MAGED2: variants seen among roughly 807,000 people sequenced by gnomAD.
MAGED2 encodes the protein MAGE family member D2.
MAGED2 carries 6 observed loss-of-function variants against 41.7 expected under a neutral mutation model. The ratio of observed to expected loss-of-function variants is 0.14; its 90% confidence interval spans 0.08 to 0.28. The LOEUF (loss-of-function observed/expected upper bound fraction) is 0.28. Ranked by LOEUF, MAGED2 falls within the 10% of genes least tolerant of loss-of-function variation. The probability of loss-of-function intolerance (pLI) is 1.00; values close to 1 mark genes in which losing one functional copy is unlikely to be tolerated. For synonymous variants in MAGED2, 146 were observed against 178.2 expected (o/e 0.82, Z 1.44); for missense variants, 343 against 486.4 (o/e 0.71, Z 2.77).
chrX:54,808,758 A>G lies in MAGED2; in HGVS notation c.-29-545A>G, dbSNP rs187629974. On this transcript the variant is annotated intron_variant, in intron 1 of 12. Coordinates refer to ENST00000375068, the MANE Select transcript of MAGED2 (RefSeq NM_177433.3). ...GCCGGGTCCACCAGACACTGCGACA[A>G]TTTTGGAGGAAGGCTTGTTGGGCAG... Among the ~76,000 whole-genome samples, 384 of 110,572 alleles carry G rather than the reference A, an allele frequency of 3.5e-3. 2 individuals carry two copies. Among genetic ancestry groups the G allele is most frequent in the African/African-American group, 0.012 (355 of 30,312 alleles).
intron 10 of MAGED2, 68 bp downstream of exon 10, chrX:54,813,618 C>A: frequency 1.1e-6 from 1 of 907,200 alleles, no homozygotes; most frequent in Non-Finnish European, 1.6e-6. Context: ...AGTGATAAAG[C>A]CGTGGTGCAT....
rs758795312 is a variant in MAGED2, at chrX:54,811,247, C to T, written c.847-3C>T. The T allele has an allele frequency of 4.1e-6, 5 of 1,210,905 alleles. No homozygotes were observed. In the South Asian group the frequency reaches 8.8e-5, roughly 21 times the overall value. ...GTCTTTCCATCTTTTTCTACTCTGCCAGGCAAATGATTTGGTGAAGTACCT... is the reference window on the plus strand; with the variant it reads ...GTCTTTCCATCTTTTTCTACTCTGCTAGGCAAATGATTTGGTGAAGTACCT... On this transcript the variant is annotated splice_polypyrimidine_tract_variant and splice_region_variant and intron_variant, in intron 4 of 12. Transcript: ENST00000375068.
At chrX:54,807,906 C>G (rs1249180284) in intron 1 of MAGED2, 104 bp downstream of exon 1, 1 of 112,993 alleles carries the variant, frequency 8.9e-6, no homozygotes, top group Non-Finnish European at 1.9e-5. Flanking sequence ...ACCACTGCAG[C>G]TGAAGCAGAG....
rs756650378 is a variant in MAGED2, at chrX:54,815,327, C to T, written c.1466C>T (p.Ala489Val). The T allele has an allele frequency of 8.3e-6, 10 of 1,198,990 alleles. No individual in the cohort carries two copies. The highest frequency in any genetic ancestry group is 7.0e-5 in the African/African-American group (4 of 56,974). Residue 489 changes from alanine (A) to valine (V), a missense_variant, in exon 12 of 13, where the codon GCT becomes GTT. Coordinates refer to ENST00000375068, the MANE Select transcript of MAGED2 (RefSeq NM_177433.3). ...MEADLKAAAE[A>V]AAEAKARAEI... The stretch of plus-strand genomic sequence containing the variant: ...GCGGATTTGAAGGCTGCAGCTGAGG[C>T]TGCAGCTGAAGCCAAGGCTAGGGCC...
At chrX:54,811,469 C>T (rs183806828) in intron 5 of MAGED2, 105 bp from the exon 6 acceptor site, 54 of 876,349 alleles carry the variant, frequency 6.2e-5, no homozygotes, top group South Asian at 8.8e-5. Context: ...AGCACAGAAC[C>T]GGGTTATGCC....
At chrX:54,811,362 C>G (rs767222403) in intron 5 of MAGED2, 49 bp downstream of exon 5, 8 of 1,094,793 alleles carry the variant, frequency 7.3e-6, no homozygotes, top group Middle Eastern at 2.5e-4. Flanking sequence ...CCCTCCATTG[C>G]CCTTACACCA....
rs1243029380 is a variant in MAGED2, at chrX:54,815,954, A to G, written c.*82A>G. On this transcript the variant is annotated 3_prime_UTR_variant, in exon 13 of 13. Coordinates refer to ENST00000375068, the MANE Select transcript of MAGED2 (RefSeq NM_177433.3). ...AGAAACCTACTCAACACAGCACTCT[A>G]GGCAGCCACTATCAATCAATTGAAG... 3.2e-5 allele frequency: 10 copies of G among 308,789 alleles called. No homozygotes were observed. The highest frequency in any genetic ancestry group is 1.2e-4 in the South Asian group (1 of 8,595). The allele number at this position is 308,789 out of a possible 1,213,427, so 25.4% of individuals were successfully genotyped here. A position where few individuals can be genotyped will look rare whatever the true frequency, so the allele number is the denominator to read the frequency against.
intron 1 of MAGED2, chrX:54,808,490 C>G (rs1229233896): frequency 1.8e-5 from 2 of 113,236 alleles, no homozygotes; most frequent in Non-Finnish European, 3.8e-5. Context: ...GCCCCACCCT[C>G]TGGGATCTGG....
Position 54,811,016 on chromosome X carries a change from C to T in MAGED2, c.733C>T (p.Leu245=). 2.5e-6 allele frequency: 3 copies of T among 1,199,894 alleles called. No individual in the cohort carries two copies. The highest frequency in any genetic ancestry group is 3.4e-6 in the Non-Finnish European group (3 of 889,044). Residue 245 remains leucine, a synonymous_variant, in exon 4 of 13, where the codon CTG becomes TTG. Coordinates refer to ENST00000375068, the MANE Select transcript of MAGED2 (RefSeq NM_177433.3). ...AAWARRALLS[L]RSPKARRGKA... Reference sequence around the variant, plus strand: ...TTGGGCCCGGAGAGCCTTGCTCTCCCTGAGATCACCTAAAGCCCGTAGGGG... The same window carrying T: ...TTGGGCCCGGAGAGCCTTGCTCTCCTTGAGATCACCTAAAGCCCGTAGGGG...
In MAGED2 at chrX:54,814,793, T is replaced by G; in HGVS notation, c.1386+18T>G. 8.6e-7 allele frequency: 1 copy of G among 1,160,919 alleles called. No individual in the cohort carries two copies. Among genetic ancestry groups the G allele is most frequent in the Non-Finnish European group, 1.2e-6 (1 of 849,220 alleles). On this transcript the variant is annotated intron_variant, in intron 11 of 12. Coordinates refer to ENST00000375068, the MANE Select transcript of MAGED2 (RefSeq NM_177433.3). ...CCTGCAAGGTAATTGGAGAGCTCCT[T>G]GAGCTTGGCAAGTCAAGAGCATGGG...
chrX:54,808,140 G>T, intron 1 of MAGED2, among the ~76,000 whole-genome samples: 1 of 111,104 alleles, frequency 9.0e-6, no homozygotes, highest in Non-Finnish European at 1.9e-5. Flanking sequence ...CTGAGGGGCA[G>T]GGTGTGCAAA....
chrX:54,811,809 G>A (rs780786622), intron 6 of MAGED2, among the ~76,000 whole-genome samples, 156 bp downstream of exon 6: 2 of 111,721 alleles, frequency 1.8e-5, no homozygotes, highest in African/African-American at 3.3e-5. Flanking sequence ...GTAGATTAGC[G>A]ATGGGTCACA....
intron 9 of MAGED2, 26 bp from the exon 10 acceptor site, chrX:54,813,462 A>G (rs761185398): frequency 4.3e-6 from 5 of 1,171,118 alleles, no homozygotes; most frequent in Non-Finnish European, 5.8e-6. Flanking sequence ...TTATTTGTTT[A>G]TTTATTTTTC....
rs773873362 is a variant in MAGED2, at chrX:54,814,391, G to C, written c.1272-270G>C. The C allele has an allele frequency of 6.2e-6, 3 of 486,492 alleles. No individual in the cohort carries two copies. The Admixed American group carries it at 7.0e-5, about 11-fold the overall frequency. The allele number at this position is 486,492 out of a possible 1,213,427, so 40.1% of individuals were successfully genotyped here. A position where few individuals can be genotyped will look rare whatever the true frequency, so the allele number is the denominator to read the frequency against. ...CAGTGGGGTGTGCTCAGAGCAGGGG[G>C]CCCAAAGAATGGCTCCTCTGTTTAC... On this transcript the variant is annotated intron_variant, in intron 10 of 12. Transcript: ENST00000375068.
chrX:54,810,316 G>C, intron 3 of MAGED2, 103 bp downstream of exon 3: 1 of 507,043 alleles, frequency 2.0e-6, no homozygotes, highest in Non-Finnish European at 3.1e-6. Flanking sequence ...TCAGGGCTGT[G>C]GGGGGCACTG....
chrX:54,811,604 C>A lies in MAGED2; in HGVS notation c.941C>A (p.Thr314Asn), dbSNP rs756360755. 1 of 1,209,053 alleles carries A rather than the reference C, an allele frequency of 8.3e-7. No individual in the cohort carries two copies. Among genetic ancestry groups the A allele is most frequent in the South Asian group, 1.8e-5 (1 of 56,749 alleles). Residue 314 changes from threonine (T) to asparagine (N), a missense_variant, in exon 6 of 13, where the codon ACT (threonine) becomes AAT (asparagine). By Grantham distance (65) the Thr-to-Asn change is moderately conservative (BLOSUM62 0). Coordinates refer to ENST00000375068, the MANE Select transcript of MAGED2 (RefSeq NM_177433.3). ...CTGAAGGACATCATCAAAGAATACACTGATGTGTACCCCGAAATCATTGAA... is the reference window on the plus strand; with the variant it reads ...CTGAAGGACATCATCAAAGAATACAATGATGTGTACCCCGAAATCATTGAA... ...DMLKDIIKEY[T>N]DVYPEIIERA...
rs752562003 is a variant in MAGED2, at chrX:54,815,451, G to T, written c.1590G>T (p.Arg530=). 2.5e-6 allele frequency: 3 copies of T among 1,203,553 alleles called. No individual in the cohort carries two copies. The highest frequency in any genetic ancestry group is 3.6e-5 in the South Asian group (2 of 55,758). Reference sequence around the variant, plus strand: ...ATATCGGACCCTGGGCCAAAGCCCGGATCCAGGCGGGAGCAGAAGCTAAAG... The same window carrying T: ...ATATCGGACCCTGGGCCAAAGCCCGTATCCAGGCGGGAGCAGAAGCTAAAG... ...EADIGPWAKA[R]IQAGAEAKAK... is the part of the protein sequence containing the mutation. The change falls in exon 12 of 13, where the codon CGG becomes CGT. Residue 530 remains arginine, a synonymous_variant. Transcript: ENST00000375068.
chrX:54,814,533 G>A (rs1336281877), intron 10 of MAGED2, 128 bp from the exon 11 acceptor site: 1 of 562,979 alleles, frequency 1.8e-6, no homozygotes, highest in African/African-American at 2.2e-5. Flanking sequence ...CAGTGGGACA[G>A]GGCTCAATAT....
intron 11 of MAGED2, 88 bp from the exon 12 acceptor site, chrX:54,815,160 C>T (rs1461453959): frequency 7.4e-6 from 8 of 1,076,937 alleles, no homozygotes; most frequent in Non-Finnish European, 9.9e-6. Context: ...CTCTTATGCT[C>T]CTTCTGATGG....
Sources: gnomAD v4.1 joint callset for allele counts (sites outside exome capture counted in the v4.1 genomes callset) on GRCh38, gnomAD v4.1.1 for gene constraint, MANE v1.5 for transcripts, NCBI Gene and HGNC (gene_info 2026-07-23, HGNC 2026-07-21) for gene names.